TPGS2: variants seen among roughly 807,000 people sequenced by gnomAD.
The protein encoded by TPGS2 is polyglutamylase subunit 2.
TPGS2 carries 26 observed loss-of-function variants against 31.1 expected under a neutral mutation model. That is an observed-to-expected ratio of 0.84 (90% CI 0.61 to 1.16). TPGS2 has a LOEUF of 1.16. TPGS2 is among the 50% of genes most tolerant of loss of function. The pLI, the probability that TPGS2 is intolerant of heterozygous loss-of-function variation, is 0.00. For synonymous variants in TPGS2, 130 were observed against 136.6 expected, an observed-to-expected ratio of 0.95 and a Z score of 0.34; for missense variants, 351 against 363.8, an observed-to-expected ratio of 0.96 and a Z score of 0.29.
At chr18:36,808,614 G>C (rs1455502350) in intron 2 of TPGS2, among the ~76,000 whole-genome samples, 1 of 151,896 alleles carries the variant, frequency 6.6e-6, no homozygotes, top group African/African-American at 2.4e-5. Flanking sequence ...CTCCAGCCTG[G>C]GTGACAAAGA....
In TPGS2 at chr18:36,796,569, A is replaced by G. The variant is rs925476449; in HGVS notation, c.*236T>C. The G allele has an allele frequency of 7.6e-7, 1 of 1,315,798 alleles. No homozygotes were observed. The highest frequency in any genetic ancestry group is 9.6e-7 in the Non-Finnish European group (1 of 1,039,408). 81.5% of individuals were successfully genotyped at this position (1,315,798 alleles called of 1,614,324 possible). A position where few individuals can be genotyped will look rare whatever the true frequency, so the allele number is the denominator to read the frequency against. ...GGAAAGCACTCAGACTTATTTGGGCACTTACACAAGATTCCAAATTCCCCA... is the reference window on the plus strand; with the variant it reads ...GGAAAGCACTCAGACTTATTTGGGCGCTTACACAAGATTCCAAATTCCCCA... On this transcript the variant is annotated 3_prime_UTR_variant, in exon 7 of 7. Coordinates refer to ENST00000334295, the MANE Select transcript of TPGS2 (RefSeq NM_015476.4).
chr18:36,804,507 C>T (rs2045012138), intron 4 of TPGS2, among the ~76,000 whole-genome samples: 1 of 152,150 alleles, frequency 6.6e-6, no homozygotes, highest in Non-Finnish European at 1.5e-5. Context: ...TTTCCAGGGC[C>T]CATCACTGTC....
downstream of TPGS2, among the ~76,000 whole-genome samples, chr18:36,782,091 C>G (rs1179351382): frequency 6.6e-6 from 1 of 152,120 alleles, no homozygotes; most frequent in Non-Finnish European, 1.5e-5. Context: ...GATGCACAGA[C>G]AAAAGGAAGC....
intron 1 of TPGS2, among the ~76,000 whole-genome samples, chr18:36,823,108 T>G (rs1030427200): frequency 1.3e-5 from 2 of 152,208 alleles, no homozygotes; most frequent in Non-Finnish European, 2.9e-5. Flanking sequence ...TTTTATTAAG[T>G]CATGGTTCTG....
At chr18:36,817,525 T>A (rs971098807) in intron 2 of TPGS2, 3 of 151,688 alleles carry the variant, frequency 2.0e-5, no homozygotes, top group African/African-American at 7.3e-5. Flanking sequence ...AGCCTCAACC[T>A]CCTGGGGTCA....
At chr18:36,793,739 C>CT (rs60074186), downstream of TPGS2, among the ~76,000 whole-genome samples, 57 of 146,212 alleles carry the variant, frequency 3.9e-4, no homozygotes, top group Middle Eastern at 3.6e-3. Context: ...TTTTCTTTTT[C>CT]TTTTTTTTTT....
chr18:36,787,138 GA>G, intron 6 of TPGS2: 1 of 1,232,110 alleles, frequency 8.1e-7, no homozygotes, highest in Non-Finnish European at 1.0e-6. Context: ...AGATATTCCA[GA>G]GGCATGCATA....
intron 2 of TPGS2, among the ~76,000 whole-genome samples, chr18:36,808,611 C>G (rs2150615219): frequency 6.6e-6 from 1 of 151,688 alleles, no homozygotes; most frequent in South Asian, 2.1e-4. Context: ...GTACTCCAGC[C>G]TGGGTGACAA....
At chr18:36,787,583 C>A (rs567671515) in intron 6 of TPGS2, among the ~76,000 whole-genome samples, 1 of 152,340 alleles carries the variant, frequency 6.6e-6, no homozygotes, top group South Asian at 2.1e-4. Flanking sequence ...GAAGAGCTGG[C>A]TGCCTGGGAC....
Position 36,796,047 on chromosome 18 carries a change from G to A in TPGS2, c.*758C>T. 1 of 985,440 alleles carries A rather than the reference G, an allele frequency of 1.0e-6. No individual in the cohort carries two copies. The highest frequency in any genetic ancestry group is 1.2e-6 in the Non-Finnish European group (1 of 829,938). The allele number at this position is 985,440 out of a possible 1,614,324, so 61.0% of individuals were successfully genotyped here. ...GTACAAACATCATAACACAAAACTGGAAGCAAGAAACTTCACTGGAAACTG... is the reference window on the plus strand; with the variant it reads ...GTACAAACATCATAACACAAAACTGAAAGCAAGAAACTTCACTGGAAACTG... On this transcript the variant is annotated 3_prime_UTR_variant, in exon 7 of 7. Coordinates refer to ENST00000334295, the MANE Select transcript of TPGS2 (RefSeq NM_015476.4).
At position 36,794,780 on chromosome 18, in the gene TPGS2, A is replaced by G. The variant is rs992467716; in HGVS notation, c.*2025T>C. 1.0e-5 allele frequency: 10 copies of G among 984,590 alleles called. No homozygotes were observed. The highest frequency in any genetic ancestry group is 1.2e-4 in the Admixed American group (2 of 16,124). 61.0% of individuals were successfully genotyped at this position (984,590 alleles called of 1,614,324 possible). On this transcript the variant is annotated 3_prime_UTR_variant, in exon 7 of 7. Coordinates refer to ENST00000334295, the MANE Select transcript of TPGS2 (RefSeq NM_015476.4). ...TTGAAGTATAATAACCTAAACAACT[A>G]AAAGGGCCAAAATGTCTCCTAGAGA...
rs773130142 is a variant in TPGS2, at chr18:36,795,017, A to T, written c.*1788T>A. ...TGCTCCCAAAGACTCTTAAGCGCTG[A>T]TATTTCAAGACTTTGAACTATTACA... On this transcript the variant is annotated 3_prime_UTR_variant, in exon 7 of 7. Coordinates refer to ENST00000334295, the MANE Select transcript of TPGS2 (RefSeq NM_015476.4). 1 of 985,324 alleles carries T rather than the reference A, an allele frequency of 1.0e-6. No homozygotes were observed. The highest frequency in any genetic ancestry group is 1.7e-5 in the African/African-American group (1 of 57,236). 61.0% of individuals were successfully genotyped at this position (985,324 alleles called of 1,614,324 possible).
chr18:36,823,537 T>C (rs1318705658), intron 1 of TPGS2, among the ~76,000 whole-genome samples: 4 of 143,066 alleles, frequency 2.8e-5, no homozygotes, highest in African/African-American at 1.1e-4. Flanking sequence ...CTCGGCTCAC[T>C]GCAAGCTCCG....
Position 36,795,240 on chromosome 18 carries a change from T to C in TPGS2, c.*1565A>G, listed in dbSNP as rs1431963634. Reference sequence around the variant, plus strand: ...AGTGCATGTGGAGAATCCTGTGGACTGCTCTTAGTTCCCCAGTGGGTTTGG... The same window carrying C: ...AGTGCATGTGGAGAATCCTGTGGACCGCTCTTAGTTCCCCAGTGGGTTTGG... On this transcript the variant is annotated 3_prime_UTR_variant, in exon 7 of 7. Transcript: ENST00000334295. The C allele has an allele frequency of 3.0e-6, 3 of 985,356 alleles. No homozygotes were observed. Among genetic ancestry groups the C allele is most frequent in the African/African-American group, 1.7e-5 (1 of 57,234 alleles). 61.0% of individuals were successfully genotyped at this position (985,356 alleles called of 1,614,324 possible). A position where few individuals can be genotyped will look rare whatever the true frequency, so the allele number is the denominator to read the frequency against.
At chr18:36,804,571 G>A (rs959517347) in intron 4 of TPGS2, among the ~76,000 whole-genome samples, 21 of 152,138 alleles carry the variant, frequency 1.4e-4, no homozygotes, top group African/African-American at 4.8e-4. Flanking sequence ...TCATCCAATC[G>A]GAGGAGAAAG....
chr18:36,806,850 T>TAAAA (rs397962723), intron 3 of TPGS2, among the ~76,000 whole-genome samples: 805 of 37,326 alleles, frequency 0.022, 215 homozygotes, highest in African/African-American at 0.11. Context: ...GACTCCATCT[T>TAAAA]AAAAAAAAAA....
chr18:36,802,774 C>T (rs1399807935), intron 4 of TPGS2, among the ~76,000 whole-genome samples: 1 of 151,896 alleles, frequency 6.6e-6, no homozygotes, highest in Non-Finnish European at 1.5e-5. Flanking sequence ...ATTACAGGTG[C>T]CCGCCACCAC....
chr18:36,802,344 C>A (rs1387572356), intron 4 of TPGS2, among the ~76,000 whole-genome samples: 1 of 152,206 alleles, frequency 6.6e-6, no homozygotes, highest in Non-Finnish European at 1.5e-5. Context: ...AGACACCATT[C>A]CAGCTTCTGC....
intron 1 of TPGS2, among the ~76,000 whole-genome samples, chr18:36,820,370 C>G (rs2045843255): frequency 6.6e-6 from 1 of 152,214 alleles, no homozygotes. Flanking sequence ...CATACTTAAG[C>G]TTGGAATACT....
Sources: allele counts gnomAD v4.1 joint callset (sites outside exome capture counted in the v4.1 genomes callset), GRCh38; gene constraint gnomAD v4.1.1; transcripts MANE v1.5; gene names NCBI Gene and HGNC (gene_info 2026-07-23, HGNC 2026-07-21).